Variants in SAXO1 observed in about 807,000 individuals in gnomAD.
SAXO1 encodes 4930500O09Rik.
Under a neutral mutation model 17.5 loss-of-function variants are expected in SAXO1, and 21 were observed. The ratio of observed to expected loss-of-function variants is 1.20; its 90% CI spans 0.85 to 1.72. SAXO1 has a LOEUF of 1.72. SAXO1 is among the 40% of genes most tolerant of loss of function. The pLI is 0.00. For synonymous variants in SAXO1, 274 were observed against 216.5 expected, an observed-to-expected ratio of 1.27 and a Z score of -2.33; for missense variants, 843 against 596.0, an observed-to-expected ratio of 1.41 and a Z score of -4.32.
chr9:19,027,288 G>C (rs901474477), intron 1 of SAXO1: 215 of 888,038 alleles, frequency 2.4e-4, no homozygotes, highest in Non-Finnish European at 1.8e-4. Context: ...AAAGCCAGGA[G>C]ACCTGGTGGG....
At chr9:19,006,548 G>T (rs535589955) in intron 1 of SAXO1, among the ~76,000 whole-genome samples, 2 of 152,166 alleles carry the variant, frequency 1.3e-5, no homozygotes, top group African/African-American at 4.8e-5. Context: ...CTCCACTTAC[G>T]AGGTACCTGC....
upstream of SAXO1, among the ~76,000 whole-genome samples, chr9:19,037,042 G>C (rs529875687): frequency 2.0e-5 from 3 of 152,338 alleles, no homozygotes; most frequent in African/African-American, 4.8e-5. Context: ...TCATTTTGGA[G>C]CTTTAAGATT....
intron 1 of SAXO1, among the ~76,000 whole-genome samples, chr9:19,045,419 C>A (rs1243095552): frequency 7.4e-6 from 1 of 136,006 alleles, no homozygotes; most frequent in Non-Finnish European, 1.6e-5. Flanking sequence ...TCATCTAAGA[C>A]TAGCAGTTTT....
Position 18,928,459 on chromosome 9 carries a change from T to G in SAXO1, c.1018A>C (p.Thr340Pro), listed in dbSNP as rs773491522. 48 of 1,611,386 alleles carry G rather than the reference T, an allele frequency of 3.0e-5. No individual in the cohort carries two copies. The highest frequency in any genetic ancestry group is 4.1e-5 in the Non-Finnish European group (48 of 1,178,712). Residue 340 changes from threonine to proline, a missense_variant, in exon 4 of 4, where the codon ACC (threonine) becomes CCC (proline). Coordinates refer to ENST00000380534, the MANE Select transcript of SAXO1 (RefSeq NM_153707.4). Reference protein sequence around the residue: ...KCGRFEGSSTTKDDYKQWSSM... With the variant: ...KCGRFEGSSTPKDDYKQWSSM... ...GACCACTGCTTGTAGTCATCCTTGG[T>G]GGTGGAAGAGCCTTCAAAGCGACCG...
rs202016874 is a variant in SAXO1 at position 19,043,212 on chromosome 9, CA to C, written c.-158+5996del. On this transcript the variant is annotated intron_variant, in intron 1 of 3. Coordinates refer to the SAXO1 transcript ENST00000542071. ...GTGGTACATATACACTATTCAGCCA[CA>C]AAAAAAAAGAATGAGATCCTGTCAT... 3.4e-3 allele frequency among the ~76,000 whole-genome samples: 514 copies of C among 149,826 alleles called. 5 individuals carry two copies. The highest frequency in any genetic ancestry group is 0.029 in the Admixed American group (443 of 15,066).
chr9:18,931,775 T>C (rs1369623512), intron 3 of SAXO1, among the ~76,000 whole-genome samples: 10 of 152,246 alleles, frequency 6.6e-5, no homozygotes, highest in Admixed American at 6.5e-4. Context: ...TGACTAATGA[T>C]GTTGAGTATC....
chr9:18,958,373 G>A lies in SAXO1; in HGVS notation c.39-7436C>T, dbSNP rs114217177. Among the ~76,000 whole-genome samples the A allele has an allele frequency of 3.0e-3, 460 of 152,202 alleles. 1 individual carries two copies. The highest frequency in any genetic ancestry group is 0.011 in the African/African-American group (447 of 41,524). ...TGAGAGGCAGAGGTTGCCCTGAGTC[G>A]AGATAGCAACACTGCGCTCCTGCCT... On this transcript the variant is annotated intron_variant, in intron 1 of 3. Transcript: ENST00000380534.
chr9:18,991,159 G>A (rs908161998), intron 1 of SAXO1, among the ~76,000 whole-genome samples: 2 of 152,110 alleles, frequency 1.3e-5, no homozygotes, highest in Admixed American at 6.5e-5. Flanking sequence ...TCGAGAGGCT[G>A]AGCCATGAGA....
chr9:19,005,056 C>T (rs954990204), intron 1 of SAXO1, among the ~76,000 whole-genome samples: 1 of 152,008 alleles, frequency 6.6e-6, no homozygotes. Flanking sequence ...GAATGGAACA[C>T]TTAGGAATAA....
intron 1 of SAXO1, among the ~76,000 whole-genome samples, chr9:18,998,054 C>T (rs189851244): frequency 4.7e-4 from 71 of 152,244 alleles, no homozygotes; most frequent in Admixed American, 2.4e-3. Flanking sequence ...CCAGAATGCC[C>T]TTTCTCCTCC....
upstream of SAXO1, among the ~76,000 whole-genome samples, chr9:19,038,176 A>G (rs1835989493): frequency 6.6e-6 from 1 of 152,208 alleles, no homozygotes; most frequent in African/African-American, 2.4e-5. Flanking sequence ...AAACTAGTTC[A>G]ACCATTGTGG....
intron 1 of SAXO1, among the ~76,000 whole-genome samples, chr9:19,012,883 C>G (rs1429580082): frequency 6.6e-6 from 1 of 152,198 alleles, no homozygotes; most frequent in Non-Finnish European, 1.5e-5. Flanking sequence ...CAGGGGGCTG[C>G]TCTCTCAGGG....
At chr9:18,983,772 T>G (rs1373240736) in intron 1 of SAXO1, among the ~76,000 whole-genome samples, 1 of 152,156 alleles carries the variant, frequency 6.6e-6, no homozygotes, top group African/African-American at 2.4e-5. Flanking sequence ...CTGTTAATGT[T>G]GATATTTTCA....
At chr9:18,931,257 T>C (rs1190200932) in intron 3 of SAXO1, among the ~76,000 whole-genome samples, 1 of 152,224 alleles carries the variant, frequency 6.6e-6, no homozygotes, top group Non-Finnish European at 1.5e-5. Flanking sequence ...TTCATATAAA[T>C]AGAATCACCC....
chr9:19,001,560 G>A lies in SAXO1; in HGVS notation c.38+31311C>T, dbSNP rs183260495. On this transcript the variant is annotated intron_variant, in intron 1 of 3. Transcript: ENST00000380534. ...CGGGCACCTGTAGTCCCAGCTACTC[G>A]GGAGGCTGAGGCAGGAGAATGGCAT... 3.2e-3 allele frequency among the ~76,000 whole-genome samples: 487 copies of A among 151,986 alleles called. 2 individuals carry two copies. The highest frequency in any genetic ancestry group is 0.011 in the African/African-American group (457 of 41,448).
chr9:19,013,039 G>A (rs1307382728), intron 1 of SAXO1, among the ~76,000 whole-genome samples: 1 of 152,038 alleles, frequency 6.6e-6, no homozygotes, highest in African/African-American at 2.4e-5. Context: ...CTCCACCTAG[G>A]CTGAAGGTGG....
chr9:18,937,658 T>A (rs894238727), intron 3 of SAXO1, among the ~76,000 whole-genome samples: 1 of 152,198 alleles, frequency 6.6e-6, no homozygotes, highest in African/African-American at 2.4e-5. Flanking sequence ...TTAGCACTGC[T>A]ATACAATGAC....
chr9:19,000,594 C>T (rs925426220), intron 1 of SAXO1, among the ~76,000 whole-genome samples: 3 of 152,246 alleles, frequency 2.0e-5, no homozygotes, highest in Non-Finnish European at 2.9e-5. Context: ...GAGAGAAGCA[C>T]CTCTGCCCAG....
intron 1 of SAXO1, among the ~76,000 whole-genome samples, chr9:19,002,539 T>C (rs1165021263): frequency 1.3e-5 from 2 of 152,206 alleles, no homozygotes; most frequent in East Asian, 1.9e-4. Flanking sequence ...CAAATGCTTA[T>C]CCACCACAAT....
Sources: allele counts gnomAD v4.1 joint callset (sites outside exome capture counted in the v4.1 genomes callset), GRCh38; gene constraint gnomAD v4.1.1; transcripts MANE v1.5; gene names NCBI Gene and HGNC (gene_info 2026-07-23, HGNC 2026-07-21).